Variants in PHF2 observed in about 807,000 individuals in gnomAD.
PHF2 encodes PHD finger protein 2, also known as lysine-specific demethylase PHF2.
PHF2 carries 27 observed loss-of-function variants against 120.5 expected under a neutral mutation model. The observed-to-expected ratio is 0.22, with a 90% CI of 0.17 to 0.31. The LOEUF (loss-of-function observed/expected upper bound fraction) is 0.31, where lower values mean the gene tolerates loss of function less well. PHF2 is among the 10% of genes least tolerant of loss of function. The probability of loss-of-function intolerance (pLI) is 1.00; values close to 1 mark genes in which losing one functional copy is unlikely to be tolerated. For missense variants in PHF2, 1,024 were observed against 1,434.8 expected (o/e 0.71, Z 4.63); for synonymous variants, 568 against 592.5 (o/e 0.96, Z 0.60).
At chr9:93,648,949 C>T (rs1440755282) in intron 4 of PHF2, 122 bp from the exon 5 acceptor site, 2 of 1,110,440 alleles carry the variant, frequency 1.8e-6, no homozygotes, top group Non-Finnish European at 1.3e-6. Flanking sequence ...CGCATCCAGC[C>T]CCTGGCAGCT....
chr9:93,593,544 C>T (rs1825274232), intron 1 of PHF2, among the ~76,000 whole-genome samples: 1 of 152,166 alleles, frequency 6.6e-6, no homozygotes, highest in Admixed American at 6.5e-5. Context: ...TTTAAAGAGA[C>T]CATGCCCTTT....
chr9:93,655,889 C>A (rs759263250), intron 7 of PHF2, 45 bp from the exon 8 acceptor site: 9 of 1,452,018 alleles, frequency 6.2e-6, no homozygotes, highest in Non-Finnish European at 8.6e-6. Flanking sequence ...GAAGCCCGTT[C>A]ATGGGAGCAA....
chr9:93,638,009 G>T (rs1826120168), intron 3 of PHF2, among the ~76,000 whole-genome samples: 1 of 152,026 alleles, frequency 6.6e-6, no homozygotes, highest in African/African-American at 2.4e-5. Context: ...CTTATTTTTT[G>T]ATTTTCATTT....
intron 1 of PHF2, among the ~76,000 whole-genome samples, chr9:93,608,581 T>C (rs1825583945): frequency 6.6e-6 from 1 of 152,140 alleles, no homozygotes; most frequent in Non-Finnish European, 1.5e-5. Flanking sequence ...CCTGGTGCTT[T>C]ATATTTTGGA....
chr9:93,653,810 A>G (rs1826410536), intron 6 of PHF2, among the ~76,000 whole-genome samples: 1 of 152,220 alleles, frequency 6.6e-6, no homozygotes, highest in Admixed American at 6.5e-5. Flanking sequence ...AGACGTAAAT[A>G]GCAACAGAAA....
intron 2 of PHF2, among the ~76,000 whole-genome samples, chr9:93,634,313 G>A (rs781212077): frequency 1.1e-4 from 17 of 152,158 alleles, no homozygotes; most frequent in Non-Finnish European, 1.8e-4. Flanking sequence ...TTGTTGGGGG[G>A]TCAGGAGGGT....
chr9:93,676,413 G>A (rs889301488), intron 20 of PHF2, among the ~76,000 whole-genome samples, 181 bp from the exon 21 acceptor site: 1 of 152,188 alleles, frequency 6.6e-6, no homozygotes, highest in African/African-American at 2.4e-5. Context: ...AGCTGCTGTG[G>A]GTGCTGGCGC....
Position 93,645,621 on chromosome 9 carries a change from C to G in PHF2, c.300-8C>G, listed in dbSNP as rs748485160. The stretch of plus-strand genomic sequence containing the variant: ...CCAATGTGGCCTCTGACCTGTGCTT[C>G]CCTGCAGTGCTGAAGACGTGGTGGC... On this transcript the variant is annotated splice_region_variant and splice_polypyrimidine_tract_variant and intron_variant, in intron 3 of 21. Transcript: ENST00000359246. 8.9e-6 allele frequency: 14 copies of G among 1,580,414 alleles called. No homozygotes were observed. The East Asian group carries it at 2.7e-4, about 31-fold the overall frequency.
At chr9:93,661,319 G>A (rs558811091) in intron 12 of PHF2, among the ~76,000 whole-genome samples, 9 of 152,326 alleles carry the variant, frequency 5.9e-5, no homozygotes, top group African/African-American at 2.2e-4. Flanking sequence ...CAGGGGTGTA[G>A]TGGGACGCTT....
At chr9:93,598,987 T>C (rs1239767641) in intron 1 of PHF2, among the ~76,000 whole-genome samples, 2 of 152,186 alleles carry the variant, frequency 1.3e-5, no homozygotes, top group Admixed American at 1.3e-4. Flanking sequence ...CAGCATTGTT[T>C]TGTACTGTGC....
intron 1 of PHF2, among the ~76,000 whole-genome samples, chr9:93,580,716 A>G (rs528497367): frequency 6.6e-6 from 1 of 152,308 alleles, no homozygotes; most frequent in South Asian, 2.1e-4. Context: ...TGTTCAGGTC[A>G]CTTAAGTGAC....
At chr9:93,592,670 G>A (rs1825251220) in intron 1 of PHF2, among the ~76,000 whole-genome samples, 1 of 152,172 alleles carries the variant, frequency 6.6e-6, no homozygotes, top group Non-Finnish European at 1.5e-5. Context: ...GTGACCTGAG[G>A]TGTAACTGGG....
intron 1 of PHF2, among the ~76,000 whole-genome samples, chr9:93,600,209 ATGTGG>A (rs1233866961): frequency 7.4e-6 from 1 of 134,284 alleles, no homozygotes; most frequent in Non-Finnish European, 1.7e-5. Flanking sequence ...TGTGTGTGGT[ATGTGG>A]TGTGGTGGTG....
rs562583304 is a variant in PHF2, at chr9:93,675,847, G to A, written c.2832+58G>A. The A allele has an allele frequency of 5.1e-5, 69 of 1,357,336 alleles. No homozygotes were observed. The African/African-American group carries it at 9.1e-4, about 18-fold the overall frequency. The allele number at this position is 1,357,336 out of a possible 1,614,324, so 84.1% of individuals were successfully genotyped here. On this transcript the variant is annotated intron_variant, in intron 20 of 21. Coordinates refer to ENST00000359246, the MANE Select transcript of PHF2 (RefSeq NM_005392.4). ...AGGTCCCTGCTACCCCCACCTGGTG[G>A]GCTCAGGTTCCCCAAGGCACCTGTT... is the stretch of plus-strand genomic sequence containing the variant.
rs779830051 is a variant in PHF2, at chr9:93,679,258, G to A, written c.*1582G>A. The A allele has an allele frequency of 9.2e-5, 42 of 455,940 alleles. 1 individual carries two copies. The East Asian group carries it at 1.4e-3, about 15-fold the overall frequency. 28.2% of individuals were successfully genotyped at this position (455,940 alleles called of 1,614,324 possible). On this transcript the variant is annotated 3_prime_UTR_variant, in exon 22 of 22. Coordinates refer to ENST00000359246, the MANE Select transcript of PHF2 (RefSeq NM_005392.4). ...TCCCACTTGTCCTGTTTGGAGGGAC[G>A]CAGTCCCTAGGGCCCGAGACTGGGT...
intron 1 of PHF2, among the ~76,000 whole-genome samples, chr9:93,578,327 G>C (rs539498919): frequency 3.3e-4 from 50 of 152,314 alleles, no homozygotes; most frequent in Middle Eastern, 6.8e-3. Flanking sequence ...TGTGAACACC[G>C]GGCTCTGCCC....
At chr9:93,650,383 A>T (rs541819729) in intron 5 of PHF2, among the ~76,000 whole-genome samples, 1 of 151,928 alleles carries the variant, frequency 6.6e-6, no homozygotes, top group African/African-American at 2.4e-5. Context: ...TACTCCTAAC[A>T]CCCGCATCCC....
At chr9:93,643,977 C>T (rs541779669) in intron 3 of PHF2, among the ~76,000 whole-genome samples, 1 of 152,296 alleles carries the variant, frequency 6.6e-6, no homozygotes, top group South Asian at 2.1e-4. Context: ...CCCCCTAGTC[C>T]AGGCATGGTG....
At chr9:93,622,303 G>A (rs1184890372) in intron 1 of PHF2, among the ~76,000 whole-genome samples, 1 of 152,240 alleles carries the variant, frequency 6.6e-6, no homozygotes. Flanking sequence ...CCTGAGGTGT[G>A]TTTCTTAGCT....
Sources: allele counts gnomAD v4.1 joint callset (sites outside exome capture counted in the v4.1 genomes callset), GRCh38; gene constraint gnomAD v4.1.1; transcripts MANE v1.5; gene names NCBI Gene and HGNC (gene_info 2026-07-23, HGNC 2026-07-21).